The following PCSK6 variants were observed in gnomAD, a reference collection of about 807,000 sequenced individuals.
PCSK6 encodes the protein paired basic amino acid cleaving enzyme 4.
Under a neutral mutation model 123.3 loss-of-function variants are expected in PCSK6, and 85 were observed. That is an observed-to-expected ratio of 0.69 (90% CI 0.58 to 0.83). PCSK6 has a LOEUF of 0.83. Ranked by LOEUF, PCSK6 falls within the 40% of genes least tolerant of loss-of-function variation. PCSK6 has a pLI of 0.00. For missense variants in PCSK6, 1,191 were observed against 1,282.3 expected (o/e 0.93, Z 1.09); for synonymous variants, 508 against 516.0 (o/e 0.98, Z 0.21).
chr15:101,397,947 G>C (rs2042463900), intron 7 of PCSK6, among the ~76,000 whole-genome samples: 1 of 152,256 alleles, frequency 6.6e-6, no homozygotes, highest in African/African-American at 2.4e-5. Flanking sequence ...CCCGACCACT[G>C]CTTCCTGCTG....
chr15:101,413,332 T>C (rs867921003), intron 6 of PCSK6, among the ~76,000 whole-genome samples: 3 of 152,146 alleles, frequency 2.0e-5, no homozygotes, highest in Middle Eastern at 3.2e-3. Context: ...ATAAAATTGA[T>C]TGTGAGAAGT....
intron 2 of PCSK6, among the ~76,000 whole-genome samples, chr15:101,434,980 C>T (rs2056555246): frequency 1.3e-5 from 2 of 152,200 alleles, no homozygotes; most frequent in African/African-American, 4.8e-5. Context: ...TATTCTGTGG[C>T]TCACTCAACA....
chr15:101,304,904 T>C lies in PCSK6; in HGVS notation c.*354A>G. On this transcript the variant is annotated 3_prime_UTR_variant, in exon 22 of 22. Transcript: ENST00000611716. ...GAAAAGCACGGGGAGAAGAGTGATG[T>C]GTGATGCCAAGCGCCTTTCTTTTCT... 1 of 217,580 alleles carries C rather than the reference T, an allele frequency of 4.6e-6. No individual in the cohort carries two copies. Among genetic ancestry groups the C allele is most frequent in the Non-Finnish European group, 9.3e-6 (1 of 108,036 alleles). 13.5% of individuals were successfully genotyped at this position (217,580 alleles called of 1,614,324 possible). A position where few individuals can be genotyped will look rare whatever the true frequency, so the allele number is the denominator to read the frequency against.
Position 101,322,609 on chromosome 15 carries a change from T to G in PCSK6, c.2378-2A>C. 1 of 1,591,786 alleles carries G rather than the reference T, an allele frequency of 6.3e-7. No individual in the cohort carries two copies. Among genetic ancestry groups the G allele is most frequent in the Non-Finnish European group, 8.6e-7 (1 of 1,159,848 alleles). On this transcript the variant is annotated splice_acceptor_variant, in intron 17 of 21. Transcript: ENST00000611716. LOFTEE classifies it high-confidence loss of function. ...GGCATTTAAGGCAATTTTTCTGACCTGGAGAAAAATAGCGAGATAAGAAAA... is the reference window on the plus strand; with the variant it reads ...GGCATTTAAGGCAATTTTTCTGACCGGGAGAAAAATAGCGAGATAAGAAAA...
intron 17 of PCSK6, among the ~76,000 whole-genome samples, chr15:101,323,851 C>G (rs981214056): frequency 1.3e-5 from 2 of 152,170 alleles, no homozygotes; most frequent in African/African-American, 4.8e-5. Flanking sequence ...AATGACCCAT[C>G]CTGAGCAGTA....
intron 8 of PCSK6, 71 bp downstream of exon 8, chr15:101,393,141 G>T: frequency 1.7e-6 from 2 of 1,200,230 alleles, no homozygotes; most frequent in Non-Finnish European, 2.4e-6. Context: ...TTCTGAGAAA[G>T]GGAGAAGAAA....
chr15:101,392,593 C>CATTTTTT (rs2042264575), intron 8 of PCSK6, among the ~76,000 whole-genome samples: 1 of 122,362 alleles, frequency 8.2e-6, no homozygotes. Context: ...CTCCCTTCCT[C>CATTTTTT]TTTTTTTTTT....
chr15:101,429,930 A>C, intron 5 of PCSK6, 57 bp downstream of exon 5: 2 of 1,414,010 alleles, frequency 1.4e-6, no homozygotes, highest in Non-Finnish European at 2.0e-6. Flanking sequence ...CACACATTCA[A>C]TAGTGACGCT....
At chr15:101,321,967 C>A (rs911675043) in intron 18 of PCSK6, among the ~76,000 whole-genome samples, 1 of 152,234 alleles carries the variant, frequency 6.6e-6, no homozygotes, top group African/African-American at 2.4e-5. Flanking sequence ...ATTAAATGGG[C>A]TGAAGAAACA....
chr15:101,394,314 C>G (rs1013169182), intron 7 of PCSK6, among the ~76,000 whole-genome samples: 4 of 152,082 alleles, frequency 2.6e-5, no homozygotes, highest in African/African-American at 9.7e-5. Flanking sequence ...CACATGAAAG[C>G]AAGTCTTTGA....
chr15:101,389,386 GA>G (rs779054937), intron 9 of PCSK6, 77 bp downstream of exon 9: 15 of 1,154,698 alleles, frequency 1.3e-5, no homozygotes, highest in Non-Finnish European at 2.0e-5. Context: ...TCAATAGGGT[GA>G]AAATGGCCAA....
chr15:101,402,672 G>A (rs1167360532), intron 6 of PCSK6, among the ~76,000 whole-genome samples: 1 of 152,218 alleles, frequency 6.6e-6, no homozygotes, highest in African/African-American at 2.4e-5. Context: ...ATGAAAAAAT[G>A]CTCATCATCA....
intron 20 of PCSK6, among the ~76,000 whole-genome samples, chr15:101,310,985 G>C (rs1278735182): frequency 2.0e-5 from 3 of 152,206 alleles, no homozygotes; most frequent in African/African-American, 7.2e-5. Context: ...CCCAGTGTTG[G>C]AGGTGGGGCC....
intron 8 of PCSK6, among the ~76,000 whole-genome samples, chr15:101,391,403 C>G (rs559627677): frequency 6.6e-6 from 1 of 152,284 alleles, no homozygotes; most frequent in South Asian, 2.1e-4. Context: ...AGAAGGGGGT[C>G]CTGGGGAGCG....
intron 21 of PCSK6, among the ~76,000 whole-genome samples, chr15:101,306,913 T>C (rs1477094337): frequency 6.6e-6 from 1 of 152,190 alleles, no homozygotes; most frequent in Admixed American, 6.5e-5. Context: ...CGGCGGCCTA[T>C]GGCATGGCAG....
intron 15 of PCSK6, among the ~76,000 whole-genome samples, chr15:101,327,083 G>C (rs1471988485): frequency 6.6e-6 from 1 of 152,190 alleles, no homozygotes; most frequent in Admixed American, 6.5e-5. Context: ...AGACAGTGCT[G>C]TCCTAGGGTT....
At position 101,344,690 on chromosome 15, in the gene PCSK6, C is replaced by T. The variant is rs377620807; in HGVS notation, c.1859-12659G>A. Among the ~76,000 whole-genome samples the T allele has an allele frequency of 9.9e-5, 15 of 152,196 alleles. No homozygotes were observed. The East Asian group carries it at 1.5e-3, about 16-fold the overall frequency. Reference sequence around the variant, plus strand: ...ATTTTTTGAGATGGAGTCTCACTGTCGCCCAGGCTGGAGGGCACTGGCATG... The same window carrying T: ...ATTTTTTGAGATGGAGTCTCACTGTTGCCCAGGCTGGAGGGCACTGGCATG... On this transcript the variant is annotated intron_variant, in intron 13 of 21. Coordinates refer to ENST00000611716, the MANE Select transcript of PCSK6 (RefSeq NM_002570.5).
intron 1 of PCSK6, among the ~76,000 whole-genome samples, chr15:101,472,077 GA>G (rs914706177): frequency 4.6e-5 from 7 of 151,508 alleles, no homozygotes; most frequent in African/African-American, 9.7e-5. Context: ...ATCCTCTGAG[GA>G]AAAAAAAATC....
At chr15:101,332,145 ACCT>A in intron 13 of PCSK6, 114 bp from the exon 14 acceptor site, 1 of 925,900 alleles carries the variant, frequency 1.1e-6, no homozygotes, top group Non-Finnish European at 1.6e-6. Flanking sequence ...CTGGCCTGCT[ACCT>A]TCACTTCCTG....
Sources: allele counts gnomAD v4.1 joint callset (sites outside exome capture counted in the v4.1 genomes callset), GRCh38; gene constraint gnomAD v4.1.1; transcripts MANE v1.5; gene names NCBI Gene and HGNC (gene_info 2026-07-23, HGNC 2026-07-21).